The following ATP8A1 variants were observed in gnomAD, a reference collection of about 807,000 sequenced individuals.
ATP8A1 encodes the protein ATPase phospholipid transporting 8A1, also known as phospholipid-transporting ATPase IA.
ATP8A1 carries 90 observed loss-of-function variants against 177.7 expected under a neutral mutation model. The observed-to-expected ratio is 0.51, with a 90% CI of 0.43 to 0.60. The LOEUF (loss-of-function observed/expected upper bound fraction) is 0.60. Among genes scored for constraint, ATP8A1 ranks in the 20% least tolerant of loss-of-function variants. ATP8A1 has a pLI of 0.00. For synonymous variants in ATP8A1, 493 were observed against 485.9 expected (o/e 1.01, Z -0.19); for missense variants, 1,072 against 1,392.8 (o/e 0.77, Z 3.67).
chr4:42,565,635 G>A (rs773709638), intron 15 of ATP8A1, among the ~76,000 whole-genome samples: 8 of 152,276 alleles, frequency 5.3e-5, no homozygotes, highest in African/African-American at 1.9e-4. Context: ...ATATTAAACA[G>A]TTGAGAAAAA....
chr4:42,581,175 C>A lies in ATP8A1; in HGVS notation c.834+446G>T, dbSNP rs992398941. On this transcript the variant is annotated intron_variant, in intron 10 of 36. Transcript: ENST00000381668. ...TTGAGACGGAGTCTTGCTCTGTTGC[C>A]CAGGCTGGAGTACAGTGGCGCGATC... Among the ~76,000 whole-genome samples, 3 of 152,022 alleles carry A rather than the reference C, an allele frequency of 2.0e-5. No homozygotes were observed. The South Asian group carries it at 6.2e-4, about 32-fold the overall frequency.
intron 27 of ATP8A1, among the ~76,000 whole-genome samples, chr4:42,461,209 T>C (rs114939210): frequency 0.021 from 3,165 of 151,988 alleles, 44 homozygotes; most frequent in African/African-American, 0.033. Flanking sequence ...TTTGAATACA[T>C]TGAGCTAGAT....
At chr4:42,613,915 T>G (rs1454340548) in intron 5 of ATP8A1, among the ~76,000 whole-genome samples, 2 of 152,074 alleles carry the variant, frequency 1.3e-5, no homozygotes, top group Non-Finnish European at 2.9e-5. Flanking sequence ...ATTTTTGATC[T>G]TCAATTGGTT....
At chr4:42,428,492 C>T (rs1482575315) in intron 33 of ATP8A1, among the ~76,000 whole-genome samples, 1 of 152,234 alleles carries the variant, frequency 6.6e-6, no homozygotes, top group African/African-American at 2.4e-5. Context: ...TGTGCTTTAG[C>T]ATCTTCACAT....
intron 20 of ATP8A1, 133 bp downstream of exon 20, chr4:42,543,784 T>C: frequency 9.4e-6 from 6 of 637,652 alleles, no homozygotes; most frequent in South Asian, 2.2e-5. Context: ...ACACTATTAC[T>C]ATAAAACACC....
At chr4:42,414,539 A>G in intron 36 of ATP8A1, 88 bp downstream of exon 36, 1 of 1,174,278 alleles carries the variant, frequency 8.5e-7, no homozygotes, top group Non-Finnish European at 1.2e-6. Context: ...GTTTTAAATA[A>G]ATATCCCTAA....
intron 33 of ATP8A1, among the ~76,000 whole-genome samples, chr4:42,436,663 T>A (rs999102123): frequency 2.0e-5 from 3 of 152,176 alleles, no homozygotes; most frequent in Admixed American, 1.3e-4. Flanking sequence ...TTGAAGAACA[T>A]CTGACAGAAT....
At chr4:42,507,255 A>G (rs1468493657) in intron 22 of ATP8A1, 101 bp from the exon 23 acceptor site, 7 of 1,208,458 alleles carry the variant, frequency 5.8e-6, no homozygotes, top group Non-Finnish European at 8.2e-6. Context: ...AGACTAAATG[A>G]TAATTCATGG....
rs200291526 is a variant in ATP8A1, at chr4:42,423,648, C to A, written c.3181G>T (p.Ala1061Ser). 2 of 1,612,602 alleles carry A rather than the reference C, an allele frequency of 1.2e-6. No individual in the cohort carries two copies. Among genetic ancestry groups the A allele is most frequent in the Non-Finnish European group, 1.7e-6 (2 of 1,179,348 alleles). ...TACACCACATCAAGGAGCAGAGATG[C>A]CACAGGGATGAATAACAAGCCCATC... ...FWMGLLFIPVASLLLDVVYKV... is the reference protein window; with the variant it reads ...FWMGLLFIPVSSLLLDVVYKV... The change falls in exon 34 of 37, where the codon GCA becomes TCA. Residue 1061 changes from alanine (A) to serine (S), a missense_variant. Transcript: ENST00000381668.
rs138060443 is a variant in ATP8A1 at position 42,647,779 on chromosome 4, G to A, written c.49+9046C>T. 3.0e-3 allele frequency among the ~76,000 whole-genome samples: 452 copies of A among 151,902 alleles called. 1 individual carries two copies. Among genetic ancestry groups the A allele is most frequent in the Middle Eastern group, 0.01 (3 of 292 alleles). The stretch of plus-strand genomic sequence containing the variant: ...ATTTGACCTTATTCCTAGCAAAAAG[G>A]AGAAAAAAGAGTAATATCTCAGCTA... On this transcript the variant is annotated intron_variant, in intron 1 of 36. Transcript: ENST00000381668.
chr4:42,435,311 A>G (rs191570106), intron 33 of ATP8A1, among the ~76,000 whole-genome samples: 1 of 152,084 alleles, frequency 6.6e-6, no homozygotes, highest in East Asian at 1.9e-4. Flanking sequence ...CTGTAATCCC[A>G]GCTACTCAGG....
intron 30 of ATP8A1, 102 bp downstream of exon 30, chr4:42,451,879 C>T: frequency 1.3e-6 from 1 of 798,694 alleles, no homozygotes. Flanking sequence ...AGAGAAATAT[C>T]ATACAATGAA....
chr4:42,626,926 C>T, intron 2 of ATP8A1, 69 bp downstream of exon 2: 1 of 1,203,816 alleles, frequency 8.3e-7, no homozygotes, highest in Admixed American at 1.8e-5. Flanking sequence ...TCTTTGCAAG[C>T]ATTTTCATTT....
chr4:42,468,681 G>C (rs533865708), intron 25 of ATP8A1, among the ~76,000 whole-genome samples: 29 of 152,268 alleles, frequency 1.9e-4, no homozygotes, highest in African/African-American at 7.0e-4. Context: ...AGGGGAAAGG[G>C]TGGGAGGGGG....
At chr4:42,610,159 A>AT (rs375207042) in intron 5 of ATP8A1, among the ~76,000 whole-genome samples, 4,658 of 142,424 alleles carry the variant, frequency 0.033, 116 homozygotes, top group African/African-American at 0.051. Context: ...TTGGCCCTTA[A>AT]TTTTTTTTTT....
At chr4:42,508,879 A>G (rs1183961899) in intron 22 of ATP8A1, among the ~76,000 whole-genome samples, 1 of 152,258 alleles carries the variant, frequency 6.6e-6, no homozygotes, top group Non-Finnish European at 1.5e-5. Context: ...GCCATTTTCT[A>G]CTTTTCCTTA....
chr4:42,650,692 A>C (rs1234235749), intron 1 of ATP8A1, among the ~76,000 whole-genome samples: 1 of 152,230 alleles, frequency 6.6e-6, no homozygotes, highest in African/African-American at 2.4e-5. Flanking sequence ...ACATAATCAA[A>C]TAAATGTCAT....
intron 1 of ATP8A1, among the ~76,000 whole-genome samples, chr4:42,654,415 G>T (rs185321928): frequency 6.6e-6 from 1 of 152,100 alleles, no homozygotes; most frequent in Non-Finnish European, 1.5e-5. Flanking sequence ...TCATTTCAAG[G>T]GGGGGAAAAG....
intron 24 of ATP8A1, among the ~76,000 whole-genome samples, chr4:42,492,419 A>G (rs1258546223): frequency 6.6e-6 from 1 of 152,174 alleles, no homozygotes; most frequent in Non-Finnish European, 1.5e-5. Context: ...CCTAACTCCT[A>G]TTTTGATGGC....
Sources: allele counts gnomAD v4.1 joint callset (sites outside exome capture counted in the v4.1 genomes callset), GRCh38; gene constraint gnomAD v4.1.1; transcripts MANE v1.5; gene names NCBI Gene and HGNC (gene_info 2026-07-23, HGNC 2026-07-21).